Variants in RASA2 observed in about 807,000 individuals in gnomAD.
The protein encoded by RASA2 is ras GTPase-activating protein 2.
RASA2 carries 155 observed loss-of-function variants against 118.2 expected under a neutral mutation model. The ratio of observed to expected loss-of-function variants is 1.31; its 90% CI spans 1.15 to 1.50. The LOEUF (loss-of-function observed/expected upper bound fraction) is 1.50. RASA2 is among the 40% of genes most tolerant of loss of function. The probability of loss-of-function intolerance (pLI) is 0.00; values close to 1 mark genes in which losing one functional copy is unlikely to be tolerated. For synonymous variants in RASA2, 353 were observed against 349.1 expected, an observed-to-expected ratio of 1.01 and a Z score of -0.12; for missense variants, 1,016 against 1,009.6, an observed-to-expected ratio of 1.01 and a Z score of -0.09.
rs530901604 is a variant in RASA2 at position 141,560,430 on chromosome 3, C to G, written c.863+435C>G. ...TTGTTTATGGGAACTAACCACTGTT[C>G]TTCCTTCACCACACCCCATTGAAAT... On this transcript the variant is annotated intron_variant, in intron 9 of 23. Coordinates refer to ENST00000286364, the MANE Select transcript of RASA2 (RefSeq NM_006506.5). 2.6e-5 allele frequency among the ~76,000 whole-genome samples: 4 copies of G among 152,250 alleles called. No individual in the cohort carries two copies. In the South Asian group the frequency reaches 8.3e-4, roughly 32 times the overall value.
intron 15 of RASA2, among the ~76,000 whole-genome samples, chr3:141,580,082 AAAAATAT>A (rs1248554237): frequency 7.9e-5 from 8 of 101,398 alleles, no homozygotes; most frequent in Non-Finnish European, 1.2e-4. Flanking sequence ...AAAAAAAAAA[AAAAATAT>A]ATATATATAT....
Position 141,574,086 on chromosome 3 carries a change from TA to T in RASA2, c.1483+23del. The T allele has an allele frequency of 7.1e-7, 1 of 1,415,712 alleles. No individual in the cohort carries two copies. The highest frequency in any genetic ancestry group is 1.8e-5 in the South Asian group (1 of 54,552). The allele number at this position is 1,415,712 out of a possible 1,614,324, so 87.7% of individuals were successfully genotyped here. A position where few individuals can be genotyped will look rare whatever the true frequency, so the allele number is the denominator to read the frequency against. On this transcript the variant is annotated intron_variant, in intron 14 of 23. Coordinates refer to ENST00000286364, the MANE Select transcript of RASA2 (RefSeq NM_006506.5). ...TTTCCTAGTAAGTGCCTTGTTTTAC[TA>T]AAACATGCCATTTATTTTTCTTTGA... is the stretch of plus-strand genomic sequence containing the variant.
intron 5 of RASA2, among the ~76,000 whole-genome samples, chr3:141,546,905 C>T (rs1453968246): frequency 6.6e-6 from 1 of 152,024 alleles, no homozygotes; most frequent in African/African-American, 2.4e-5. Context: ...TAGTTTCATT[C>T]TTCTGCATAT....
rs1213665047 is a variant in RASA2, at chr3:141,505,215, T to C, written c.134-6948T>C. Among the ~76,000 whole-genome samples, 4 of 152,340 alleles carry C rather than the reference T, an allele frequency of 2.6e-5. No homozygotes were observed. The South Asian group carries it at 6.2e-4, about 24-fold the overall frequency. On this transcript the variant is annotated intron_variant, in intron 1 of 23. Coordinates refer to ENST00000286364, the MANE Select transcript of RASA2 (RefSeq NM_006506.5). ...GTGGTATTTGTCGTCCCTGTATATA[T>C]TGTACAACAGTTTCGTATGGGCAGA...
At chr3:141,499,196 A>G (rs1482206752) in intron 1 of RASA2, among the ~76,000 whole-genome samples, 6 of 152,154 alleles carry the variant, frequency 3.9e-5, no homozygotes, top group African/African-American at 1.4e-4. Context: ...CCATGCAGCA[A>G]CTAGCCCCGA....
chr3:141,592,020 A>G (rs1024096460), intron 19 of RASA2, among the ~76,000 whole-genome samples: 4 of 152,178 alleles, frequency 2.6e-5, no homozygotes, highest in Non-Finnish European at 5.9e-5. Context: ...TAAACAAAAC[A>G]TACCAAATCC....
At chr3:141,541,112 C>CT (rs2082399090) in intron 5 of RASA2, among the ~76,000 whole-genome samples, 1 of 152,154 alleles carries the variant, frequency 6.6e-6, no homozygotes, top group African/African-American at 2.4e-5. Flanking sequence ...ATCCCCTACT[C>CT]TTTTCCTCCC....
chr3:141,512,482 C>G (rs1167692118), intron 2 of RASA2, among the ~76,000 whole-genome samples: 1 of 152,162 alleles, frequency 6.6e-6, no homozygotes, highest in Non-Finnish European at 1.5e-5. Flanking sequence ...TTTCACATGA[C>G]AGGCTAAATA....
At chr3:141,607,475 A>G (rs1388790038) in intron 19 of RASA2, among the ~76,000 whole-genome samples, 1 of 152,162 alleles carries the variant, frequency 6.6e-6, no homozygotes, top group Non-Finnish European at 1.5e-5. Flanking sequence ...GGCAAAGAAA[A>G]GCAGTGGTCA....
intron 22 of RASA2, 34 bp downstream of exon 22, chr3:141,609,557 T>A: frequency 6.9e-7 from 1 of 1,444,576 alleles, no homozygotes; most frequent in Non-Finnish European, 9.6e-7. Flanking sequence ...ATAACCATAA[T>A]CTTTCATTAC....
rs762750676 is a variant in RASA2, at chr3:141,574,120, A to G, written c.1483+53A>G. ...CCATTTATTTTTCTTTGACTTTTTT[A>G]TAGATATTAATTACATGTTTGGTTT... On this transcript the variant is annotated intron_variant, in intron 14 of 23. Transcript: ENST00000286364. 551 of 1,204,286 alleles carry G rather than the reference A, an allele frequency of 4.6e-4. 5 individuals carry two copies. Among genetic ancestry groups the G allele is most frequent in the South Asian group, 6.2e-4 (24 of 38,436 alleles). The allele number at this position is 1,204,286 out of a possible 1,614,324, so 74.6% of individuals were successfully genotyped here.
intron 2 of RASA2, among the ~76,000 whole-genome samples, chr3:141,515,958 A>AC (rs1399690893): frequency 3.3e-5 from 5 of 149,842 alleles, no homozygotes; most frequent in African/African-American, 1.2e-4. Context: ...AGACAAAAAA[A>AC]CCAAACACCA....
rs1560027647 is a variant in RASA2 at position 141,553,882 on chromosome 3, C to CTTTA, written c.554_555insTTAT (p.Ile186TyrfsTer8). 1 of 1,612,046 alleles carries CTTTA rather than the reference C, an allele frequency of 6.2e-7. No individual in the cohort carries two copies. The highest frequency in any genetic ancestry group is 2.2e-5 in the East Asian group (1 of 44,734). On this transcript the variant is annotated frameshift_variant, in exon 6 of 24. Coordinates refer to ENST00000286364, the MANE Select transcript of RASA2 (RefSeq NM_006506.5). LOFTEE classifies it high-confidence loss of function. ...CATCAAGGCATGCCATGGGTTGCCT[C>CTTTA]TCATAAATGGCCAAAGCTGTGACCC... is the stretch of plus-strand genomic sequence containing the variant.
At chr3:141,524,885 C>T (rs1457684245) in intron 3 of RASA2, among the ~76,000 whole-genome samples, 2 of 152,070 alleles carry the variant, frequency 1.3e-5, no homozygotes, top group African/African-American at 2.4e-5. Flanking sequence ...GCCACCATGC[C>T]CGGCCTGTCA....
chr3:141,611,947 C>G (rs964852395), intron 23 of RASA2, among the ~76,000 whole-genome samples: 1 of 152,162 alleles, frequency 6.6e-6, no homozygotes, highest in Non-Finnish European at 1.5e-5. Flanking sequence ...CCCATACACA[C>G]CATACCACTT....
In RASA2 at chr3:141,580,398, A is replaced by C. The variant is rs757985179; in HGVS notation, c.1621A>C (p.Ile541Leu). 1.2e-6 allele frequency: 2 copies of C among 1,609,670 alleles called. No homozygotes were observed. The highest frequency in any genetic ancestry group is 1.7e-6 in the Non-Finnish European group (2 of 1,177,038). The change falls in exon 16 of 24, where the codon ATC becomes CTC. Residue 541 changes from isoleucine (I) to leucine (L), a missense_variant. By Grantham distance (5) the Ile-to-Leu change is conservative (BLOSUM62 2). Transcript: ENST00000286364. Reference protein sequence around the residue: ...DAQTIRTLTLISKTIQTLGSW... With the variant: ...DAQTIRTLTLLSKTIQTLGSW... ...ACAGACAATTAGAACATTAACTCTCATCTCAAAAACTATACAAACTTTGGG... is the reference window on the plus strand; with the variant it reads ...ACAGACAATTAGAACATTAACTCTCCTCTCAAAAACTATACAAACTTTGGG...
chr3:141,572,369 G>A (rs1026243447), intron 11 of RASA2, among the ~76,000 whole-genome samples: 1 of 152,094 alleles, frequency 6.6e-6, no homozygotes, highest in African/African-American at 2.4e-5. Flanking sequence ...TGGGATAACA[G>A]GCATGAGCCA....
intron 9 of RASA2, among the ~76,000 whole-genome samples, chr3:141,560,899 G>T (rs1452497948): frequency 6.6e-6 from 1 of 152,108 alleles, no homozygotes; most frequent in Non-Finnish European, 1.5e-5. Context: ...TGCCTCTTCT[G>T]ATTGGCCATC....
chr3:141,563,021 AT>A (rs2082761051), intron 9 of RASA2, among the ~76,000 whole-genome samples: 2 of 152,182 alleles, frequency 1.3e-5, no homozygotes, highest in South Asian at 4.1e-4. Flanking sequence ...TTTACATAGC[AT>A]TATGTACAAA....
Sources: gnomAD v4.1 joint callset for allele counts (sites outside exome capture counted in the v4.1 genomes callset) on GRCh38, gnomAD v4.1.1 for gene constraint, MANE v1.5 for transcripts, NCBI Gene and HGNC (gene_info 2026-07-23, HGNC 2026-07-21) for gene names.